Variants in FMN1 observed in about 807,000 individuals in gnomAD.
FMN1 encodes the protein formin 1, also known as formin-1.
A neutral mutation model predicts 132.4 loss-of-function variants in FMN1; 110 were observed. That is an observed-to-expected ratio of 0.83 (90% CI 0.71 to 0.97). The LOEUF is 0.97. Ranked by LOEUF, FMN1 falls within the 50% of genes least tolerant of loss-of-function variation. The pLI, the probability that FMN1 is intolerant of heterozygous loss-of-function variation, is 0.00. For missense variants in FMN1, 1,792 were observed against 1,705.3 expected (o/e 1.05, Z -0.90); for synonymous variants, 722 against 651.7 (o/e 1.11, Z -1.64).
intron 9 of FMN1, among the ~76,000 whole-genome samples, chr15:32,947,599 G>A (rs1054736540): frequency 1.3e-5 from 2 of 151,708 alleles, no homozygotes; most frequent in African/African-American, 4.8e-5. Context: ...TAGAAATTTG[G>A]GAAAAATTAA....
chr15:33,005,074 G>A (rs2034340502), intron 7 of FMN1, among the ~76,000 whole-genome samples: 4 of 152,108 alleles, frequency 2.6e-5, no homozygotes, highest in East Asian at 3.9e-4. Flanking sequence ...AGCATTAGGA[G>A]ATATACCTAA....
intron 17 of FMN1, among the ~76,000 whole-genome samples, chr15:32,832,104 C>T (rs2058517038): frequency 6.6e-6 from 1 of 152,138 alleles, no homozygotes; most frequent in Admixed American, 6.5e-5. Context: ...TTTAAAAACA[C>T]CCGTATAACT....
chr15:33,094,223 A>T (rs868535040), intron 4 of FMN1, among the ~76,000 whole-genome samples: 12 of 152,188 alleles, frequency 7.9e-5, no homozygotes, highest in African/African-American at 2.7e-4. Flanking sequence ...TTTTTCCCTC[A>T]TCAATAAAAT....
chr15:32,831,907 G>C (rs2058512825), intron 17 of FMN1, among the ~76,000 whole-genome samples: 1 of 151,966 alleles, frequency 6.6e-6, no homozygotes, highest in South Asian at 2.1e-4. Flanking sequence ...CTGGCACCAG[G>C]GATTTCTGTG....
chr15:32,966,534 T>C (rs908922958), intron 8 of FMN1, among the ~76,000 whole-genome samples: 1 of 152,032 alleles, frequency 6.6e-6, no homozygotes, highest in Admixed American at 6.5e-5. Flanking sequence ...ACTAAGAAGC[T>C]GAAAAGGTAG....
At chr15:33,068,686 T>G (rs1299100563) in intron 5 of FMN1, among the ~76,000 whole-genome samples, 1 of 152,140 alleles carries the variant, frequency 6.6e-6, no homozygotes, top group Non-Finnish European at 1.5e-5. Context: ...ATGCAGATTT[T>G]AGCTCCTAAA....
chr15:32,960,995 C>CAAAAAAA (rs539245532), intron 9 of FMN1, among the ~76,000 whole-genome samples: 11 of 59,094 alleles, frequency 1.9e-4, no homozygotes, highest in African/African-American at 8.0e-4. Flanking sequence ...GACTCCGTCT[C>CAAAAAAA]AAAAAAAAAA....
intron 17 of FMN1, among the ~76,000 whole-genome samples, chr15:32,850,851 G>T (rs1252224728): frequency 5.3e-5 from 8 of 152,030 alleles, no homozygotes; most frequent in African/African-American, 1.9e-4. Context: ...GGGGGTACAT[G>T]TGAAGGTTTG....
rs572796865 is a variant in FMN1, at chr15:33,003,692, A to G, written c.2223+4322T>C. Reference sequence around the variant, plus strand: ...TTTCTTCACAGAATTGGAAAAAACTACTTTAAAGTTCACATGGAACCAAAA... The same window carrying G: ...TTTCTTCACAGAATTGGAAAAAACTGCTTTAAAGTTCACATGGAACCAAAA... On this transcript the variant is annotated intron_variant, in intron 7 of 20. Transcript: ENST00000616417. Among the ~76,000 whole-genome samples, 161 of 152,330 alleles carry G rather than the reference A, an allele frequency of 1.1e-3. 1 individual carries two copies. The East Asian group carries it at 0.021, about 20-fold the overall frequency.
At chr15:32,924,288 G>A (rs1000325820) in intron 10 of FMN1, among the ~76,000 whole-genome samples, 7 of 152,130 alleles carry the variant, frequency 4.6e-5, no homozygotes, top group Admixed American at 3.9e-4. Flanking sequence ...GCTTAAATAC[G>A]ATACAGCTTA....
intron 4 of FMN1, among the ~76,000 whole-genome samples, chr15:33,102,923 A>G (rs573016914): frequency 1.8e-4 from 27 of 152,212 alleles, no homozygotes; most frequent in South Asian, 4.2e-4. Flanking sequence ...AGATGTCTCC[A>G]GTGGTTATTT....
chr15:33,170,622 G>A (rs1180839814), intron 3 of FMN1, among the ~76,000 whole-genome samples: 2 of 150,294 alleles, frequency 1.3e-5, no homozygotes, highest in Admixed American at 6.6e-5. Flanking sequence ...ACATACAAAC[G>A]CCCAACAGGT....
chr15:33,136,919 C>A (rs1353428674), intron 4 of FMN1, among the ~76,000 whole-genome samples: 1 of 151,784 alleles, frequency 6.6e-6, no homozygotes, highest in Non-Finnish European at 1.5e-5. Context: ...GAAACCCTGT[C>A]TCTACTAAAA....
chr15:33,014,089 C>G (rs1005026059), intron 6 of FMN1, among the ~76,000 whole-genome samples: 1 of 152,214 alleles, frequency 6.6e-6, no homozygotes, highest in African/African-American at 2.4e-5. Flanking sequence ...CCCATCCCAA[C>G]AAGGATGACA....
At chr15:33,002,233 G>A (rs567020514) in intron 7 of FMN1, among the ~76,000 whole-genome samples, 2 of 152,270 alleles carry the variant, frequency 1.3e-5, no homozygotes, top group South Asian at 2.1e-4. Context: ...AGAAAGGCAT[G>A]TTGAAGAAGT....
chr15:33,066,927 G>T lies in FMN1; in HGVS notation c.2044-1853C>A, dbSNP rs1186395827. ...CTCTTCACTGTCTGCAGCCCTGCCT[G>T]CACTAAGGACTTCTGCACAGGCTGC... On this transcript the variant is annotated intron_variant, in intron 5 of 20. Transcript: ENST00000616417. 3 of 1,613,956 alleles carry T rather than the reference G, an allele frequency of 1.9e-6. No homozygotes were observed. In the South Asian group the frequency reaches 3.3e-5, roughly 18 times the overall value.
chr15:32,926,754 G>A (rs2060971653), intron 9 of FMN1, among the ~76,000 whole-genome samples: 1 of 152,048 alleles, frequency 6.6e-6, no homozygotes, highest in African/African-American at 2.4e-5. Flanking sequence ...TCTATGAATT[G>A]ATTTCCTCAT....
chr15:32,934,512 G>C (rs559716625), intron 9 of FMN1, among the ~76,000 whole-genome samples: 1 of 150,848 alleles, frequency 6.6e-6, no homozygotes, highest in Admixed American at 6.6e-5. Flanking sequence ...ATCATTTCTT[G>C]TAAGTCTAGT....
intron 5 of FMN1, among the ~76,000 whole-genome samples, chr15:33,069,810 A>G (rs1370599966): frequency 1.3e-5 from 2 of 152,270 alleles, no homozygotes; most frequent in Middle Eastern, 3.4e-3. Flanking sequence ...TTTGGGAATT[A>G]TTAACTGAGG....
Sources: allele counts gnomAD v4.1 joint callset (sites outside exome capture counted in the v4.1 genomes callset), GRCh38; gene constraint gnomAD v4.1.1; transcripts MANE v1.5; gene names NCBI Gene and HGNC (gene_info 2026-07-23, HGNC 2026-07-21).